XIAP: variants seen among roughly 807,000 people sequenced by gnomAD.
XIAP encodes the protein X-linked inhibitor of apoptosis, also known as E3 ubiquitin-protein ligase XIAP.
In XIAP, 3 loss-of-function variants were observed where a neutral mutation model predicts 33.1. The ratio of observed to expected loss-of-function variants is 0.09; its 90% CI spans 0.04 to 0.23. The LOEUF (loss-of-function observed/expected upper bound fraction) is 0.23, where lower values mean the gene tolerates loss of function less well. Ranked by LOEUF, XIAP falls within the 10% of genes least tolerant of loss-of-function variation. The pLI, the probability that XIAP is intolerant of heterozygous loss-of-function variation, is 1.00. For synonymous variants in XIAP, 98 were observed against 121.3 expected (o/e 0.81, Z 1.26); for missense variants, 264 against 363.0 (o/e 0.73, Z 2.22).
chrX:123,889,996 CATTTTTTTTTTTT>C (rs2053389785), intron 3 of XIAP, among the ~76,000 whole-genome samples: 1 of 65,942 alleles, frequency 1.5e-5, no homozygotes, highest in African/African-American at 5.8e-5. Flanking sequence ...CAGTTGTTCA[CATTTTTTTTTTTT>C]TTTTTTTTTT....
chrX:123,882,946 TTTTC>T (rs981481446), intron 1 of XIAP, among the ~76,000 whole-genome samples: 26 of 110,947 alleles, frequency 2.3e-4, no homozygotes, highest in South Asian at 3.8e-4. Flanking sequence ...GCCTGGCTAA[TTTTC>T]TTTCTTTCTT....
chrX:123,886,456 A>G lies in XIAP; in HGVS notation c.794A>G (p.Tyr265Cys). 1 of 1,209,994 alleles carries G rather than the reference A, an allele frequency of 8.3e-7. No homozygotes were observed. Among genetic ancestry groups the G allele is most frequent in the Non-Finnish European group, 1.1e-6 (1 of 895,537 alleles). Residue 265 changes from tyrosine (Y) to cysteine (C), a missense_variant, in exon 2 of 7, where the codon TAT becomes TGT. Transcript: ENST00000371199. ...CCAAGAAATCCATCCATGGCAGATT[A>G]TGAAGCACGGATCTTTACTTTTGGG... ...NLPRNPSMADYEARIFTFGTW... is the reference protein window; with the variant it reads ...NLPRNPSMADCEARIFTFGTW...
chrX:123,878,092 G>A (rs1172426814), intron 1 of XIAP, among the ~76,000 whole-genome samples: 2 of 111,741 alleles, frequency 1.8e-5, no homozygotes, highest in African/African-American at 6.5e-5. Flanking sequence ...ACCTAGTTCT[G>A]AAAATGTACT....
chrX:123,902,796 A>G (rs998833525), intron 6 of XIAP, among the ~76,000 whole-genome samples: 3 of 112,003 alleles, frequency 2.7e-5, no homozygotes, highest in African/African-American at 9.7e-5. Context: ...TTCCATATGA[A>G]TCTGCTCTAA....
intron 1 of XIAP, among the ~76,000 whole-genome samples, chrX:123,865,666 G>A (rs2053128396): frequency 1.8e-5 from 2 of 111,208 alleles, no homozygotes; most frequent in Non-Finnish European, 3.8e-5. Flanking sequence ...GGACCTTGCA[G>A]TGAGCCGAGA....
intron 1 of XIAP, among the ~76,000 whole-genome samples, chrX:123,861,359 A>G (rs898038948): frequency 1.8e-5 from 2 of 111,932 alleles, no homozygotes; most frequent in African/African-American, 3.2e-5. Flanking sequence ...AATACTTTGT[A>G]CCAGTGACTG....
intron 6 of XIAP, among the ~76,000 whole-genome samples, chrX:123,905,043 G>C (rs745416591): frequency 8.9e-6 from 1 of 111,817 alleles, no homozygotes; most frequent in East Asian, 2.8e-4. Context: ...CCATGTTTGA[G>C]CCTATAGTTT....
rs1321928133 is a variant in XIAP at position 123,912,647 on chromosome X, G to T, written c.*5466G>T. On this transcript the variant is annotated 3_prime_UTR_variant, in exon 7 of 7. Transcript: ENST00000371199. ...AAGACCTTGTCTCAGAATAAATAAAGTATGTGATGAAGATGTGCATACATT... is the reference window on the plus strand; with the variant it reads ...AAGACCTTGTCTCAGAATAAATAAATTATGTGATGAAGATGTGCATACATT... The T allele has an allele frequency of 2.5e-5, 8 of 318,687 alleles. No homozygotes were observed. Among genetic ancestry groups the T allele is most frequent in the Non-Finnish European group, 4.2e-5 (7 of 167,092 alleles). The allele number at this position is 318,687 out of a possible 1,213,427, so 26.3% of individuals were successfully genotyped here.
At position 123,909,671 on chromosome X, in the gene XIAP, T is replaced by G. The variant is rs1488231130; in HGVS notation, c.*2490T>G. The G allele has an allele frequency of 1.5e-5, 5 of 328,050 alleles. No homozygotes were observed. The highest frequency in any genetic ancestry group is 2.9e-5 in the Non-Finnish European group (5 of 169,840). 27.0% of individuals were successfully genotyped at this position (328,050 alleles called of 1,213,427 possible). On this transcript the variant is annotated 3_prime_UTR_variant, in exon 7 of 7. Transcript: ENST00000371199. Reference sequence around the variant, plus strand: ...GGGAGCCGCACTTCATTAAAATTCTTCTAAAACTTGTATGTTTAGAGTTAA... The same window carrying G: ...GGGAGCCGCACTTCATTAAAATTCTGCTAAAACTTGTATGTTTAGAGTTAA...
At chrX:123,906,865 A>T (rs1602562812) in intron 6 of XIAP, 123 bp from the exon 7 acceptor site, 33 of 798,280 alleles carry the variant, frequency 4.1e-5, no homozygotes, top group Non-Finnish European at 6.1e-5. Context: ...CGGGTGAGTC[A>T]TCCTCATATC....
chrX:123,877,924 A>C (rs1213530104), intron 1 of XIAP, among the ~76,000 whole-genome samples: 1 of 109,007 alleles, frequency 9.2e-6, no homozygotes, highest in Non-Finnish European at 1.9e-5. Flanking sequence ...CAGTGAGCCG[A>C]GATCGCGCCA....
At chrX:123,885,159 G>A (rs1353388933) in intron 1 of XIAP, among the ~76,000 whole-genome samples, 2 of 111,693 alleles carry the variant, frequency 1.8e-5, no homozygotes, top group Admixed American at 1.9e-4. Context: ...TAAGCAAAGA[G>A]ATATTAAAAA....
rs1398961450 is a variant in XIAP at position 123,909,763 on chromosome X, A to C, written c.*2582A>C. 7 of 329,563 alleles carry C rather than the reference A, an allele frequency of 2.1e-5. No individual in the cohort carries two copies. The East Asian group carries it at 6.8e-4, about 32-fold the overall frequency. 27.2% of individuals were successfully genotyped at this position (329,563 alleles called of 1,213,427 possible). ...ATGCACAACGCTGATGTGGCTAACAAGTTTATTTTAAGAATTGTTTAGAAA... is the reference window on the plus strand; with the variant it reads ...ATGCACAACGCTGATGTGGCTAACACGTTTATTTTAAGAATTGTTTAGAAA... On this transcript the variant is annotated 3_prime_UTR_variant, in exon 7 of 7. Coordinates refer to ENST00000371199, the MANE Select transcript of XIAP (RefSeq NM_001167.4).
Position 123,894,972 on chromosome X carries a change from A to G in XIAP, c.1099+2199A>G, listed in dbSNP as rs965518855. ...CATAAATAAGTAAATAAATAAATAA[A>G]TAAATAAATAAATAAATAAATAAAA... On this transcript the variant is annotated intron_variant, in intron 5 of 6. Transcript: ENST00000371199. Among the ~76,000 whole-genome samples, 169 of 109,567 alleles carry G rather than the reference A, an allele frequency of 1.5e-3. 1 individual carries two copies. The highest frequency in any genetic ancestry group is 4.8e-3 in the African/African-American group (145 of 30,250).
chrX:123,876,371 G>T (rs973886110), intron 1 of XIAP, among the ~76,000 whole-genome samples: 1 of 110,921 alleles, frequency 9.0e-6, no homozygotes, highest in Non-Finnish European at 1.9e-5. Context: ...ACATAAGTAG[G>T]TTTAGATAGA....
intron 1 of XIAP, among the ~76,000 whole-genome samples, chrX:123,873,423 C>T (rs1347775728): frequency 1.8e-5 from 2 of 109,760 alleles, no homozygotes; most frequent in African/African-American, 6.6e-5. Flanking sequence ...GTCCTCCTGC[C>T]TTGACCTCCC....
chrX:123,881,759 T>A (rs2148085008), intron 1 of XIAP, among the ~76,000 whole-genome samples: 1 of 105,252 alleles, frequency 9.5e-6, no homozygotes, highest in African/African-American at 3.4e-5. Context: ...TACTTCTATT[T>A]TTTTTTTTTT....
intron 4 of XIAP, 74 bp downstream of exon 4, chrX:123,891,390 A>G (rs2053406576): frequency 1.0e-5 from 5 of 493,755 alleles, no homozygotes; most frequent in Non-Finnish European, 1.6e-5. Flanking sequence ...TGTAGTTTAT[A>G]TTATATCATT....
chrX:123,867,522 T>G (rs745634026), intron 1 of XIAP, among the ~76,000 whole-genome samples: 55 of 108,444 alleles, frequency 5.1e-4, no homozygotes, highest in African/African-American at 1.6e-3. Context: ...TATAGACATG[T>G]GCTACCACGC....
Sources: gnomAD v4.1 joint callset for allele counts (sites outside exome capture counted in the v4.1 genomes callset) on GRCh38, gnomAD v4.1.1 for gene constraint, MANE v1.5 for transcripts, NCBI Gene and HGNC (gene_info 2026-07-23, HGNC 2026-07-21) for gene names.